Variants in CPNE8 observed in about 807,000 individuals in gnomAD.
CPNE8 encodes copine 8, also known as copine-8.
In CPNE8, 45 loss-of-function variants were observed where a neutral mutation model predicts 81.5. The observed-to-expected ratio is 0.55, with a 90% confidence interval of 0.44 to 0.71. The LOEUF (loss-of-function observed/expected upper bound fraction) is 0.71, where lower values mean the gene tolerates loss of function less well. Ranked by LOEUF, CPNE8 falls within the 30% of genes least tolerant of loss-of-function variation. The pLI is 0.00. For synonymous variants in CPNE8, 252 were observed against 226.3 expected, an observed-to-expected ratio of 1.11 and a Z score of -1.02; for missense variants, 594 against 672.1, an observed-to-expected ratio of 0.88 and a Z score of 1.28.
At chr12:38,764,486 G>A (rs910120385) in intron 8 of CPNE8, among the ~76,000 whole-genome samples, 1 of 149,164 alleles carries the variant, frequency 6.7e-6, no homozygotes, top group African/African-American at 2.5e-5. Flanking sequence ...GCGTAGTGGC[G>A]GGCGCCTGTA....
At chr12:38,850,141 G>T (rs898975575) in intron 3 of CPNE8, among the ~76,000 whole-genome samples, 2 of 152,150 alleles carry the variant, frequency 1.3e-5, no homozygotes, top group Admixed American at 6.5e-5. Context: ...CTGTGCAGAG[G>T]TCAGTAAGTT....
intron 6 of CPNE8, among the ~76,000 whole-genome samples, chr12:38,799,106 T>G (rs934729604): frequency 6.6e-6 from 1 of 152,122 alleles, no homozygotes; most frequent in Non-Finnish European, 1.5e-5. Context: ...AATGGGAGAC[T>G]TTAACACCCC....
chr12:38,801,483 G>A (rs1001040552), intron 6 of CPNE8, among the ~76,000 whole-genome samples: 1 of 39,244 alleles, frequency 2.5e-5, no homozygotes, highest in African/African-American at 1.3e-4. Flanking sequence ...CACCAGGCCT[G>A]CCCTAAAAGA....
chr12:38,904,894 T>C (rs1005179058), intron 1 of CPNE8, among the ~76,000 whole-genome samples: 1 of 152,070 alleles, frequency 6.6e-6, no homozygotes, highest in African/African-American at 2.4e-5. Context: ...GGCCGAAATC[T>C]CTACCTATCA....
chr12:38,855,345 C>A (rs1943713750), intron 3 of CPNE8, among the ~76,000 whole-genome samples: 1 of 151,998 alleles, frequency 6.6e-6, no homozygotes, highest in African/African-American at 2.4e-5. Context: ...AATTCCAAGT[C>A]ATTTTTCACA....
chr12:38,700,700 T>C (rs533345225), intron 14 of CPNE8, among the ~76,000 whole-genome samples: 1 of 152,158 alleles, frequency 6.6e-6, no homozygotes, highest in East Asian at 1.9e-4. Flanking sequence ...TCATCTTGAA[T>C]TGTAGCTCCC....
At chr12:38,808,749 A>T (rs543786391) in intron 6 of CPNE8, among the ~76,000 whole-genome samples, 8 of 151,252 alleles carry the variant, frequency 5.3e-5, no homozygotes, top group African/African-American at 1.9e-4. Context: ...AACTTAAAGT[A>T]TAATAATAAT....
chr12:38,806,866 C>G (rs1942819567), intron 6 of CPNE8, among the ~76,000 whole-genome samples: 1 of 150,782 alleles, frequency 6.6e-6, no homozygotes, highest in African/African-American at 2.4e-5. Flanking sequence ...ATCGTCTCAG[C>G]CCAAAATCTC....
chr12:38,726,619 G>T (rs1284050184), intron 11 of CPNE8: 1 of 152,130 alleles, frequency 6.6e-6, no homozygotes, highest in African/African-American at 2.4e-5. Flanking sequence ...GGAAATCAAT[G>T]AATAAAATTA....
chr12:38,730,852 C>T lies in CPNE8; in HGVS notation c.723-494G>A, dbSNP rs545711773. ...ATTAATATGTGTAATAGTCACTACA[C>T]TTTTTTTCTATAATAGTTAATAAAT... On this transcript the variant is annotated intron_variant, in intron 10 of 19. Coordinates refer to ENST00000331366, the MANE Select transcript of CPNE8 (RefSeq NM_153634.3). Among the ~76,000 whole-genome samples the T allele has an allele frequency of 2.6e-5, 4 of 151,468 alleles. No homozygotes were observed. The South Asian group carries it at 8.3e-4, about 31-fold the overall frequency.
In CPNE8 at chr12:38,714,644, A is replaced by T. The variant is rs540360528; in HGVS notation, c.914+9128T>A. On this transcript the variant is annotated intron_variant, in intron 13 of 19. Transcript: ENST00000331366. ...AGCACTGCTTATCAAAAAAAAAAAG[A>T]TCTAAAAATTAGGTTTGTATTTCAG... 9.2e-5 allele frequency among the ~76,000 whole-genome samples: 14 copies of T among 152,102 alleles called. No homozygotes were observed. In the East Asian group the frequency reaches 1.4e-3, roughly 15 times the overall value.
chr12:38,757,014 A>T (rs956782725), intron 10 of CPNE8, among the ~76,000 whole-genome samples: 1 of 152,212 alleles, frequency 6.6e-6, no homozygotes, highest in Non-Finnish European at 1.5e-5. Context: ...TAGTACATTA[A>T]TCTCACTGGT....
intron 6 of CPNE8, among the ~76,000 whole-genome samples, chr12:38,801,857 C>A (rs1303197878): frequency 1.0e-5 from 1 of 97,538 alleles, no homozygotes; most frequent in African/African-American, 3.6e-5. Flanking sequence ...GGGTTGCAAT[C>A]CTAGTCTCTG....
intron 10 of CPNE8, among the ~76,000 whole-genome samples, chr12:38,731,906 C>A (rs1248924807): frequency 6.6e-6 from 1 of 151,790 alleles, no homozygotes; most frequent in Non-Finnish European, 1.5e-5. Flanking sequence ...TATTTCACTG[C>A]ACTCTTAAAA....
Position 38,653,883 on chromosome 12 carries a change from C to A in CPNE8, c.1694G>T (p.Ter565LeuextTer15). ...TGACATTAGCATTTCAGAGCACAGT[C>A]ATATTTGAGTCTGTAACACATGTGT... ...PPTHVLQTQI* is the reference protein window; with the variant it reads ...PPTHVLQTQIL The change falls in exon 20 of 20, where the codon TGA becomes TTA. Residue 565 changes from the stop codon to leucine, a stop_lost. Transcript: ENST00000331366. 6.2e-7 allele frequency: 1 copy of A among 1,611,374 alleles called. No individual in the cohort carries two copies. The highest frequency in any genetic ancestry group is 8.5e-7 in the Non-Finnish European group (1 of 1,179,304).
intron 10 of CPNE8, among the ~76,000 whole-genome samples, chr12:38,743,253 A>G (rs890056755): frequency 1.3e-5 from 2 of 152,136 alleles, no homozygotes; most frequent in Non-Finnish European, 2.9e-5. Flanking sequence ...TACAACCACT[A>G]AATATGAACA....
intron 3 of CPNE8, among the ~76,000 whole-genome samples, chr12:38,871,378 C>T (rs897058175): frequency 2.0e-5 from 3 of 152,148 alleles, no homozygotes; most frequent in Non-Finnish European, 2.9e-5. Flanking sequence ...TTGTGGACAC[C>T]CTGGTCAATG....
At chr12:38,713,745 A>G (rs1289593183) in intron 13 of CPNE8, among the ~76,000 whole-genome samples, 1 of 152,226 alleles carries the variant, frequency 6.6e-6, no homozygotes, top group Non-Finnish European at 1.5e-5. Flanking sequence ...GAATAAACAA[A>G]TCATACAAAT....
At chr12:38,731,977 C>T (rs572826808) in intron 10 of CPNE8, among the ~76,000 whole-genome samples, 1 of 151,854 alleles carries the variant, frequency 6.6e-6, no homozygotes, top group South Asian at 2.1e-4. Context: ...ATGCAAGTTT[C>T]AGATATCTTA....
Sources: gnomAD v4.1 joint callset for allele counts (sites outside exome capture counted in the v4.1 genomes callset) on GRCh38, gnomAD v4.1.1 for gene constraint, MANE v1.5 for transcripts, NCBI Gene and HGNC (gene_info 2026-07-23, HGNC 2026-07-21) for gene names.